OR51B5: variants seen among roughly 807,000 people sequenced by gnomAD.
The protein encoded by OR51B5 is olfactory receptor 51B5.
For synonymous variants in OR51B5, 186 were observed against 144.8 expected, an observed-to-expected ratio of 1.28 and a Z score of -2.04; for missense variants, 456 against 374.6, an observed-to-expected ratio of 1.22 and a Z score of -1.79.
intron 1 of OR51B5, among the ~76,000 whole-genome samples, chr11:5,379,199 A>G (rs556323798): frequency 5.4e-4 from 82 of 151,074 alleles, no homozygotes; most frequent in African/African-American, 1.9e-3. Context: ...TTCTCAGTAA[A>G]CTATCGCAAG....
At chr11:5,436,619 T>C (rs1403372590) in intron 1 of OR51B5, among the ~76,000 whole-genome samples, 1 of 152,206 alleles carries the variant, frequency 6.6e-6, no homozygotes, top group African/African-American at 2.4e-5. Flanking sequence ...GGTATTTGAA[T>C]GAATATTGTT....
chr11:5,433,399 GTATAAA>G (rs1194993356), intron 1 of OR51B5, among the ~76,000 whole-genome samples: 14 of 152,108 alleles, frequency 9.2e-5, no homozygotes, highest in Non-Finnish European at 1.9e-4. Context: ...CTCATGACTG[GTATAAA>G]AACTGAATTA....
At chr11:5,401,859 TTTC>T (rs1849973395) in intron 1 of OR51B5, among the ~76,000 whole-genome samples, 3 of 149,088 alleles carry the variant, frequency 2.0e-5, no homozygotes, top group Non-Finnish European at 4.4e-5. Context: ...TCTTCTGCTT[TTTC>T]TTTTTCCTTC....
At chr11:5,387,451 G>A (rs1849713557) in intron 1 of OR51B5, among the ~76,000 whole-genome samples, 1 of 152,086 alleles carries the variant, frequency 6.6e-6, no homozygotes, top group African/African-American at 2.4e-5. Context: ...AAAGATAAAT[G>A]TGGACTATTT....
Position 5,488,831 on chromosome 11 carries a change from T to C in OR51B5, n.84+16738A>G, listed in dbSNP as rs763858921. ...TTCTGTGCCATGTATCTTGTAGCAC[T>C]GGTTGGAAATGCTGCCCTCATCCTG... On this transcript the variant is annotated intron_variant and non_coding_transcript_variant, in intron 1 of 4. Transcript: ENST00000415970. 3 of 1,614,072 alleles carry C rather than the reference T, an allele frequency of 1.9e-6. No homozygotes were observed. The South Asian group carries it at 3.3e-5, about 18-fold the overall frequency.
intron 1 of OR51B5, among the ~76,000 whole-genome samples, chr11:5,360,897 A>T (rs1849273687): frequency 6.6e-6 from 1 of 151,422 alleles, no homozygotes; most frequent in Non-Finnish European, 1.5e-5. Context: ...AAGGACAAAA[A>T]CCAAACACTG....
In OR51B5 at chr11:5,502,343, TA is replaced by T. The variant is rs966878438; in HGVS notation, n.84+3225del. 2.3e-4 allele frequency among the ~76,000 whole-genome samples: 35 copies of T among 152,322 alleles called. 1 individual carries two copies. The highest frequency in any genetic ancestry group is 8.4e-4 in the African/African-American group (35 of 41,576). On this transcript the variant is annotated intron_variant and non_coding_transcript_variant, in intron 1 of 4. Transcript: ENST00000415970. ...GTACTCCAGACCCACTGGCCTTGTTTAAATTTTTCCATGAATGTATCGAGCT... is the reference window on the plus strand; with the variant it reads ...GTACTCCAGACCCACTGGCCTTGTTTAATTTTTCCATGAATGTATCGAGCT...
intron 1 of OR51B5, among the ~76,000 whole-genome samples, chr11:5,450,296 C>T (rs888906847): frequency 2.6e-5 from 4 of 151,920 alleles, no homozygotes; most frequent in African/African-American, 7.3e-5. Flanking sequence ...GGCTGGGGCA[C>T]AAGAATCACC....
intron 1 of OR51B5, among the ~76,000 whole-genome samples, chr11:5,501,332 C>A (rs1257632660): frequency 6.8e-6 from 1 of 147,906 alleles, no homozygotes; most frequent in African/African-American, 2.4e-5. Context: ...TTTCCTGTGT[C>A]CTTCGAGTAG....
chr11:5,481,609 C>G (rs566551006), intron 1 of OR51B5, among the ~76,000 whole-genome samples: 111 of 149,750 alleles, frequency 7.4e-4, no homozygotes, highest in Middle Eastern at 6.8e-3. Context: ...TCTAGAAAAC[C>G]CCACTGTCTC....
intron 1 of OR51B5, among the ~76,000 whole-genome samples, chr11:5,405,651 G>C (rs1386141917): frequency 6.6e-6 from 1 of 152,076 alleles, no homozygotes; most frequent in South Asian, 2.1e-4. Context: ...CACCTATAAA[G>C]CTTCTGAATA....
intron 1 of OR51B5, among the ~76,000 whole-genome samples, chr11:5,503,528 A>C (rs1396075212): frequency 6.6e-6 from 1 of 152,254 alleles, no homozygotes; most frequent in Non-Finnish European, 1.5e-5. Context: ...AAGCCAATCA[A>C]AATCTCATTT....
upstream of OR51B5, among the ~76,000 whole-genome samples, chr11:5,347,659 C>G (rs924914317): frequency 1.3e-5 from 2 of 152,184 alleles, no homozygotes; most frequent in Admixed American, 6.6e-5. Context: ...CAGAGGAAAA[C>G]CTCCAGTAAA....
chr11:5,433,105 CCT>C (rs1179624070), intron 1 of OR51B5, among the ~76,000 whole-genome samples: 4 of 152,088 alleles, frequency 2.6e-5, no homozygotes, highest in African/African-American at 4.8e-5. Context: ...ACACAAGTTA[CCT>C]CTGAGTTAGA....
chr11:5,375,280 T>G (rs1178824633), intron 1 of OR51B5, among the ~76,000 whole-genome samples: 1 of 151,154 alleles, frequency 6.6e-6, no homozygotes, highest in African/African-American at 2.4e-5. Context: ...GACAAGCAAA[T>G]GCTGAGAGAT....
chr11:5,492,239 C>A (rs575610469), intron 1 of OR51B5, among the ~76,000 whole-genome samples: 205 of 152,202 alleles, frequency 1.3e-3, no homozygotes, highest in Non-Finnish European at 2.2e-3. Context: ...AATAAACACA[C>A]ACACACACTC....
chr11:5,390,589 G>A (rs1849781199), intron 1 of OR51B5: 2 of 508,818 alleles, frequency 3.9e-6, no homozygotes, highest in South Asian at 3.7e-5. Context: ...CTGAGAACTG[G>A]CATTTTTGGT....
At chr11:5,392,644 G>A (rs1459369455) in intron 1 of OR51B5, 1 of 152,258 alleles carries the variant, frequency 6.6e-6, no homozygotes, top group African/African-American at 2.4e-5. Context: ...TGGGCGCGGT[G>A]GCTCACGCCT....
chr11:5,417,336 C>G (rs1384171345), intron 1 of OR51B5, among the ~76,000 whole-genome samples: 1 of 151,736 alleles, frequency 6.6e-6, no homozygotes, highest in Non-Finnish European at 1.5e-5. Context: ...AGAAGAAAAC[C>G]TAGGCATTAC....
Sources: gnomAD v4.1 joint callset for allele counts (sites outside exome capture counted in the v4.1 genomes callset) on GRCh38, gnomAD v4.1.1 for gene constraint, MANE v1.5 for transcripts, NCBI Gene and HGNC (gene_info 2026-07-23, HGNC 2026-07-21) for gene names.